Variants in RBM6 observed in about 807,000 individuals in gnomAD.
The protein encoded by RBM6 is RNA binding motif protein 6, also known as RNA-binding protein 6.
RBM6 carries 23 observed loss-of-function variants against 140.4 expected under a neutral mutation model. The observed-to-expected ratio is 0.16, with a 90% confidence interval of 0.12 to 0.23. The LOEUF (loss-of-function observed/expected upper bound fraction) is 0.23, where lower values mean the gene tolerates loss of function less well. RBM6 is among the 10% of genes least tolerant of loss of function. RBM6 has a pLI of 1.00. For missense variants in RBM6, 1,139 were observed against 1,386.7 expected, an observed-to-expected ratio of 0.82 and a Z score of 2.84; for synonymous variants, 439 against 475.6, an observed-to-expected ratio of 0.92 and a Z score of 1.00.
intron 2 of RBM6, among the ~76,000 whole-genome samples, chr3:49,966,940 C>G (rs2084540566): frequency 6.6e-6 from 1 of 151,948 alleles, no homozygotes; most frequent in Non-Finnish European, 1.5e-5. Flanking sequence ...CTTTTTGGGC[C>G]TGCATCCATT....
chr3:50,025,578 A>G (rs929743408), intron 6 of RBM6, among the ~76,000 whole-genome samples: 1 of 59,152 alleles, frequency 1.7e-5, no homozygotes, highest in African/African-American at 4.6e-5. Flanking sequence ...TTATATATAT[A>G]CAACTTTAAT....
intron 5 of RBM6, among the ~76,000 whole-genome samples, chr3:49,983,124 T>C (rs2085388403): frequency 6.6e-6 from 1 of 152,180 alleles, no homozygotes; most frequent in South Asian, 2.1e-4. Context: ...AGATTACAAG[T>C]GTAAGACACT....
chr3:49,965,391 C>T (rs536550966), intron 2 of RBM6, among the ~76,000 whole-genome samples: 24 of 152,298 alleles, frequency 1.6e-4, no homozygotes, highest in South Asian at 1.0e-3. Flanking sequence ...ACATCTAGGG[C>T]GGGCGTGGCG....
In RBM6 at chr3:50,061,475, C is replaced by T. The variant is rs754926514; in HGVS notation, c.2367C>T (p.Cys789=). The change falls in exon 14 of 21, where the codon TGC becomes TGT. Residue 789 remains cysteine, a synonymous_variant. Transcript: ENST00000266022. ...TGTTACCTTTAGCATCATCTGACTG[C>T]TACATATATGATTCTGCTACTGGCT... The part of the protein sequence containing the change: ...NRQGQQSSSD[C]YIYDSATGYY... 3.1e-6 allele frequency: 5 copies of T among 1,605,774 alleles called. No homozygotes were observed. The highest frequency in any genetic ancestry group is 1.7e-6 in the Non-Finnish European group (2 of 1,178,220).
intron 6 of RBM6, chr3:50,047,117 T>G (rs1345694918): frequency 1.0e-6 from 1 of 964,638 alleles, no homozygotes; most frequent in Admixed American, 6.2e-5. Context: ...GACAATAATT[T>G]TATCCTGTGT....
chr3:49,972,707 A>G (rs938232204), intron 4 of RBM6, among the ~76,000 whole-genome samples: 9 of 152,238 alleles, frequency 5.9e-5, no homozygotes, highest in African/African-American at 1.7e-4. Context: ...ATACTGAGTG[A>G]CACAGCAGTG....
At position 50,077,042 on chromosome 3, in the gene RBM6, C is replaced by T. The variant is rs1650476936; in HGVS notation, c.3281C>T (p.Ala1094Val). ...EGRMRGPSVG[A>V]SGRTSKRQSN... The stretch of plus-strand genomic sequence containing the variant: ...CGGATGAGGGGCCCCAGTGTTGGAG[C>T]CTCAGGAAGAACCAGCAAAAGACAG... The change falls in exon 21 of 21, where the codon GCC (alanine) becomes GTC (valine). Residue 1094 changes from alanine to valine, a missense_variant. This residue lies in a region of RBM6 where 125 missense variants were observed against 142.0 expected (regional missense o/e 0.88). Transcript: ENST00000266022. The T allele has an allele frequency of 6.2e-7, 1 of 1,612,786 alleles. No homozygotes were observed. The highest frequency in any genetic ancestry group is 1.7e-5 in the Admixed American group (1 of 59,926).
chr3:50,028,180 G>A (rs2087945804), intron 6 of RBM6, among the ~76,000 whole-genome samples: 1 of 152,058 alleles, frequency 6.6e-6, no homozygotes, highest in African/African-American at 2.4e-5. Context: ...CAGTTGAATA[G>A]CAGTCTTCTT....
Position 50,061,560 on chromosome 3 carries a change from C to CTTTTTTTT in RBM6, c.2439+30_2439+37dup, listed in dbSNP as rs10663019. 1.1e-4 allele frequency: 140 copies of CTTTTTTTT among 1,270,252 alleles called. No homozygotes were observed. Among genetic ancestry groups the CTTTTTTTT allele is most frequent in the South Asian group, 5.7e-4 (29 of 50,838 alleles). The allele number at this position is 1,270,252 out of a possible 1,614,324, so 78.7% of individuals were successfully genotyped here. On this transcript the variant is annotated intron_variant, in intron 14 of 20. Coordinates refer to ENST00000266022, the MANE Select transcript of RBM6 (RefSeq NM_005777.3). ...CCCCAATACCCAGGTGAGTTTGGGG[C>CTTTTTTTT]TTTTTTTTTTTTTTTTTTTTTTTTA... is the stretch of plus-strand genomic sequence containing the variant.
At chr3:49,961,888 G>T (rs1025406468) in intron 1 of RBM6, among the ~76,000 whole-genome samples, 3 of 151,990 alleles carry the variant, frequency 2.0e-5, no homozygotes, top group Non-Finnish European at 4.4e-5. Flanking sequence ...GGATGCGGTG[G>T]CTCATGCCTG....
intron 7 of RBM6, among the ~76,000 whole-genome samples, chr3:50,051,458 A>C (rs925611556): frequency 1.8e-4 from 27 of 152,150 alleles, no homozygotes; most frequent in African/African-American, 6.3e-4. Flanking sequence ...CCTGACCAAC[A>C]TGGAGAAACC....
chr3:50,016,824 G>GTTTT lies in RBM6; in HGVS notation c.1557+17327_1557+17330dup, dbSNP rs71080567. Among the ~76,000 whole-genome samples, 22 of 86,046 alleles carry GTTTT rather than the reference G, an allele frequency of 2.6e-4. 1 individual carries two copies. Among genetic ancestry groups the GTTTT allele is most frequent in the African/African-American group, 3.8e-4 (10 of 26,258 alleles). The allele number at this position is 86,046 out of a possible 152,430, so 56.4% of individuals were successfully genotyped here. A position where few individuals can be genotyped will look rare whatever the true frequency, so the allele number is the denominator to read the frequency against. On this transcript the variant is annotated intron_variant, in intron 6 of 20. Coordinates refer to ENST00000266022, the MANE Select transcript of RBM6 (RefSeq NM_005777.3). ...TAGCTGGTGTGTCACCATGCCTAGC[G>GTTTT]TTTTTTTTTTTTTTTTTTTGAGACA...
rs1300789142 is a variant in RBM6, at chr3:50,003,305, AT to A, written c.1557+3795del. Among the ~76,000 whole-genome samples the A allele has an allele frequency of 1.3e-4, 11 of 83,804 alleles. 1 individual carries two copies. Among genetic ancestry groups the A allele is most frequent in the East Asian group, 3.6e-4 (1 of 2,794 alleles). The allele number at this position is 83,804 out of a possible 152,430, so 55.0% of individuals were successfully genotyped here. On this transcript the variant is annotated intron_variant, in intron 6 of 20. Coordinates refer to ENST00000266022, the MANE Select transcript of RBM6 (RefSeq NM_005777.3). Reference sequence around the variant, plus strand: ...GGGTAAATAGTGAGACCCTGTCTAAATTTAAAAAAAAAAAAAAAAAAAAAAA... The same window carrying A: ...GGGTAAATAGTGAGACCCTGTCTAAATTAAAAAAAAAAAAAAAAAAAAAAA...
At chr3:50,053,399 C>T (rs544170947) in intron 7 of RBM6, among the ~76,000 whole-genome samples, 6 of 152,046 alleles carry the variant, frequency 3.9e-5, no homozygotes, top group Non-Finnish European at 8.8e-5. Flanking sequence ...GGTGTAGTGG[C>T]ACATGCCTGT....
chr3:50,016,432 G>T (rs2087148657), intron 6 of RBM6, among the ~76,000 whole-genome samples: 1 of 151,968 alleles, frequency 6.6e-6, no homozygotes, highest in Non-Finnish European at 1.5e-5. Flanking sequence ...CAGACATAAT[G>T]ATTTCAGTTT....
chr3:49,959,048 C>T (rs1228319519), intron 1 of RBM6, among the ~76,000 whole-genome samples: 1 of 152,032 alleles, frequency 6.6e-6, no homozygotes, highest in East Asian at 1.9e-4. Flanking sequence ...CCACTTCGGC[C>T]TCCCAAAGTG....
At position 50,058,796 on chromosome 3, in the gene RBM6, G is replaced by T. The variant is rs1475249445; in HGVS notation, c.2130+234G>T. ...CTGGGCGTGGTGGCAGGCGCCTGTA[G>T]TCGCAGCTACTCGGGAGGCTGAGGC... is the stretch of plus-strand genomic sequence containing the variant. On this transcript the variant is annotated intron_variant, in intron 10 of 20. Coordinates refer to ENST00000266022, the MANE Select transcript of RBM6 (RefSeq NM_005777.3). 3 of 294,494 alleles carry T rather than the reference G, an allele frequency of 1.0e-5. No homozygotes were observed. The Admixed American group carries it at 1.3e-4, about 13-fold the overall frequency. 18.2% of individuals were successfully genotyped at this position (294,494 alleles called of 1,614,324 possible). A position where few individuals can be genotyped will look rare whatever the true frequency, so the allele number is the denominator to read the frequency against.
At chr3:50,030,275 T>C (rs1390773870) in intron 6 of RBM6, among the ~76,000 whole-genome samples, 12 of 109,496 alleles carry the variant, frequency 1.1e-4, no homozygotes, top group Non-Finnish European at 1.7e-5. Flanking sequence ...AGAGTGAGAC[T>C]CTTTTTGTCT....
intron 6 of RBM6, among the ~76,000 whole-genome samples, chr3:50,038,603 G>A (rs1031011632): frequency 1.3e-5 from 2 of 152,282 alleles, no homozygotes; most frequent in East Asian, 1.9e-4. Context: ...AGGCCGAGGC[G>A]GGCGGATCAT....
Sources: gnomAD v4.1 joint callset for allele counts (sites outside exome capture counted in the v4.1 genomes callset) on GRCh38, gnomAD v4.1.1 for gene constraint, gnomAD v4.1.1 regional missense constraint, MANE v1.5 for transcripts, NCBI Gene and HGNC (gene_info 2026-07-23, HGNC 2026-07-21) for gene names.